PTGER3: variants seen among roughly 807,000 people sequenced by gnomAD.
The protein encoded by PTGER3 is prostaglandin E receptor 3.
Under a neutral mutation model 34.7 loss-of-function variants are expected in PTGER3, and 22 were observed. The observed-to-expected ratio is 0.63, with a 90% CI of 0.45 to 0.91. PTGER3 has a LOEUF of 0.91. Ranked by LOEUF, PTGER3 falls within the 40% of genes least tolerant of loss-of-function variation. PTGER3 has a pLI of 0.00. For missense variants in PTGER3, 468 were observed against 519.4 expected, an observed-to-expected ratio of 0.90 and a Z score of 0.96; for synonymous variants, 241 against 230.1, an observed-to-expected ratio of 1.05 and a Z score of -0.43.
chr1:70,884,313 G>A (rs928443878), intron 4 of PTGER3, among the ~76,000 whole-genome samples: 17 of 152,148 alleles, frequency 1.1e-4, no homozygotes, highest in African/African-American at 3.9e-4. Context: ...CCTTGAGTGT[G>A]AGCAGAAGCT....
intron 2 of PTGER3, among the ~76,000 whole-genome samples, chr1:70,963,698 A>G (rs1039664308): frequency 5.9e-5 from 9 of 151,850 alleles, no homozygotes; most frequent in Admixed American, 1.3e-4. Context: ...TTTCTCTCCT[A>G]AGCCTCCAAG....
intron 4 of PTGER3, among the ~76,000 whole-genome samples, chr1:70,916,999 A>G (rs1395532857): frequency 6.6e-6 from 1 of 152,048 alleles, no homozygotes; most frequent in Admixed American, 6.6e-5. Context: ...TACCTTACCC[A>G]TCACTATAAA....
intron 1 of PTGER3, among the ~76,000 whole-genome samples, chr1:71,024,716 A>G (rs1305448873): frequency 1.1e-4 from 15 of 135,802 alleles, no homozygotes; most frequent in African/African-American, 4.3e-4. Context: ...CACCGTGCAT[A>G]GCTAATTTTT....
At chr1:70,899,060 G>T (rs1448909829) in intron 4 of PTGER3, among the ~76,000 whole-genome samples, 3 of 152,274 alleles carry the variant, frequency 2.0e-5, no homozygotes, top group Middle Eastern at 3.4e-3. Flanking sequence ...CATATAAAAG[G>T]AAAGGATTGG....
intron 2 of PTGER3, among the ~76,000 whole-genome samples, chr1:70,976,553 C>G (rs181545237): frequency 1.3e-5 from 2 of 152,100 alleles, no homozygotes; most frequent in Non-Finnish European, 1.5e-5. Flanking sequence ...ATGATTTGAT[C>G]TACTAATAGC....
chr1:70,960,050 T>C (rs1331663025), intron 2 of PTGER3, among the ~76,000 whole-genome samples: 2 of 152,152 alleles, frequency 1.3e-5, no homozygotes, highest in African/African-American at 2.4e-5. Flanking sequence ...AAGGCATAGA[T>C]TGGTATGCAT....
chr1:71,015,573 C>T (rs905957027), intron 1 of PTGER3, among the ~76,000 whole-genome samples: 1 of 152,094 alleles, frequency 6.6e-6, no homozygotes, highest in Non-Finnish European at 1.5e-5. Context: ...TTTTAATTCC[C>T]CATCTTCTGT....
chr1:70,994,860 A>G (rs1205446720), intron 2 of PTGER3, among the ~76,000 whole-genome samples: 1 of 152,090 alleles, frequency 6.6e-6, no homozygotes, highest in African/African-American at 2.4e-5. Context: ...AAGTATTTCT[A>G]TGTCTACTGT....
intron 4 of PTGER3, among the ~76,000 whole-genome samples, chr1:70,911,507 C>A (rs998395872): frequency 1.3e-5 from 2 of 152,070 alleles, no homozygotes; most frequent in African/African-American, 4.8e-5. Flanking sequence ...TCATACTGAT[C>A]TTGTCCCTCT....
chr1:70,891,740 T>G (rs1456865927), intron 4 of PTGER3, among the ~76,000 whole-genome samples: 2 of 152,178 alleles, frequency 1.3e-5, no homozygotes, highest in East Asian at 3.9e-4. Flanking sequence ...TAACAACAAT[T>G]ATAAAAATAG....
intron 2 of PTGER3, among the ~76,000 whole-genome samples, chr1:70,981,344 T>C (rs931677450): frequency 1.5e-5 from 1 of 68,946 alleles, no homozygotes; most frequent in Non-Finnish European, 3.0e-5. Flanking sequence ...TCTTTCTTTC[T>C]TTCTTTCTTT....
chr1:70,903,238 AC>A (rs1433686890), intron 4 of PTGER3, among the ~76,000 whole-genome samples: 2 of 152,080 alleles, frequency 1.3e-5, no homozygotes, highest in African/African-American at 4.8e-5. Context: ...AAGGGATGTG[AC>A]CCCCACTGTC....
At chr1:70,874,780 C>A (rs1646239781) in intron 4 of PTGER3, among the ~76,000 whole-genome samples, 1 of 152,138 alleles carries the variant, frequency 6.6e-6, no homozygotes, top group Non-Finnish European at 1.5e-5. Context: ...AAATTGAACA[C>A]ACTAACAGAT....
chr1:70,887,302 A>G (rs1265260821), intron 4 of PTGER3, among the ~76,000 whole-genome samples: 2 of 152,180 alleles, frequency 1.3e-5, no homozygotes, highest in Non-Finnish European at 2.9e-5. Flanking sequence ...CTTTTCATGC[A>G]TGACTTGGTA....
downstream of PTGER3, among the ~76,000 whole-genome samples, chr1:70,969,057 A>G (rs1032681311): frequency 1.2e-4 from 18 of 152,030 alleles, no homozygotes; most frequent in African/African-American, 4.3e-4. Flanking sequence ...AAGTACAAAA[A>G]TTAGCTGGGA....
At chr1:70,997,133 T>C (rs7534885) in intron 2 of PTGER3, 1 of 151,910 alleles carries the variant, frequency 6.6e-6, no homozygotes, top group South Asian at 2.1e-4. Context: ...TTAGCTGAGC[T>C]TGGTGGTGCA....
chr1:70,870,397 A>G (rs933703392), intron 4 of PTGER3, among the ~76,000 whole-genome samples: 3 of 151,998 alleles, frequency 2.0e-5, no homozygotes, highest in African/African-American at 4.8e-5. Context: ...TTGTTTTCCT[A>G]TTGTCTCGGC....
intron 4 of PTGER3, among the ~76,000 whole-genome samples, chr1:70,941,830 T>C (rs1230703641): frequency 6.6e-6 from 1 of 152,194 alleles, no homozygotes; most frequent in Non-Finnish European, 1.5e-5. Context: ...CTCAATATTA[T>C]ATCTGTGCTT....
chr1:70,992,107 T>A (rs1457459760), intron 2 of PTGER3, among the ~76,000 whole-genome samples: 1 of 152,006 alleles, frequency 6.6e-6, no homozygotes, highest in East Asian at 1.9e-4. Context: ...CTGAGGAGGG[T>A]GAGTAATTTA....
Sources: allele counts gnomAD v4.1 joint callset (sites outside exome capture counted in the v4.1 genomes callset), GRCh38; gene constraint gnomAD v4.1.1; transcripts MANE v1.5; gene names NCBI Gene and HGNC (gene_info 2026-07-23, HGNC 2026-07-21).